Variants in TM7SF3 observed in about 807,000 individuals in gnomAD.
TM7SF3 encodes seven span transmembrane protein.
In TM7SF3, 60 loss-of-function variants were observed where a neutral mutation model predicts 65.5. The observed-to-expected ratio is 0.92, with a 90% CI of 0.74 to 1.14. The LOEUF (loss-of-function observed/expected upper bound fraction) is 1.14. TM7SF3 is among the 50% of genes most tolerant of loss of function. TM7SF3 has a pLI of 0.00. For synonymous variants in TM7SF3, 264 were observed against 259.6 expected (o/e 1.02, Z -0.16); for missense variants, 623 against 684.8 (o/e 0.91, Z 1.01).
At chr12:26,978,166 T>C in intron 9 of TM7SF3, 1 of 356,682 alleles carries the variant, frequency 2.8e-6, no homozygotes, top group Non-Finnish European at 5.5e-6. Context: ...CCTTGAGCTA[T>C]GAGATAGTTC....
At position 26,979,825 on chromosome 12, in the gene TM7SF3, A is replaced by T. The variant is rs563698497; in HGVS notation, c.1148T>A (p.Leu383Gln). Residue 383 changes from leucine (L) to glutamine (Q), a missense_variant, in exon 9 of 12, where the codon CTG becomes CAG. Leu to Gln is a moderately radical substitution (Grantham distance 113, BLOSUM62 -2). Transcript: ENST00000343028. Reference sequence around the variant, plus strand: ...AGTCACTGACGAGATGAGGAACCCCAGCACTAGTCCAACACAGAGCATGCA... The same window carrying T: ...AGTCACTGACGAGATGAGGAACCCCTGCACTAGTCCAACACAGAGCATGCA... ...SICMLCVGLV[L>Q]GFLISSVTFF... 1 of 1,614,174 alleles carries T rather than the reference A, an allele frequency of 6.2e-7. No homozygotes were observed. Among genetic ancestry groups the T allele is most frequent in the East Asian group, 2.2e-5 (1 of 44,890 alleles).
chr12:27,014,170 G>A lies in TM7SF3; in HGVS notation c.-2C>T, dbSNP rs202170745. 28 of 1,555,986 alleles carry A rather than the reference G, an allele frequency of 1.8e-5. No individual in the cohort carries two copies. Among genetic ancestry groups the A allele is most frequent in the Non-Finnish European group, 2.2e-5 (25 of 1,149,606 alleles). ...GACCAGCAGCTGCAGGAACCCCATT[G>A]CTGCCTGGGCCGGGCTGGGCCCACG... On this transcript the variant is annotated 5_prime_UTR_variant, in exon 1 of 12. Transcript: ENST00000343028.
At chr12:27,011,919 G>T (rs1356219160) in intron 1 of TM7SF3, among the ~76,000 whole-genome samples, 1 of 152,042 alleles carries the variant, frequency 6.6e-6, no homozygotes, top group Non-Finnish European at 1.5e-5. Context: ...AAAATTTCTA[G>T]GTATTAAATA....
intron 1 of TM7SF3, among the ~76,000 whole-genome samples, chr12:27,009,455 TTA>T (rs1941164870): frequency 6.6e-6 from 1 of 151,912 alleles, no homozygotes; most frequent in South Asian, 2.1e-4. Context: ...TTGAGATGTA[TTA>T]TGTTATTTTC....
chr12:26,977,726 C>T (rs1035888165), intron 9 of TM7SF3, among the ~76,000 whole-genome samples: 2 of 151,808 alleles, frequency 1.3e-5, no homozygotes, highest in African/African-American at 4.8e-5. Flanking sequence ...TGCACTCTAG[C>T]CTGGGAGACA....
chr12:26,975,596 G>A lies in TM7SF3; in HGVS notation c.1350C>T (p.Tyr450=). The change falls in exon 11 of 12, where the codon TAC becomes TAT. Residue 450 remains tyrosine (Y), a synonymous_variant. Coordinates refer to ENST00000343028, the MANE Select transcript of TM7SF3 (RefSeq NM_016551.3). Reference sequence around the variant, plus strand: ...TGATGTAGGAAAGGCTTGTGGACCAGTAACTGTCAATGGCTAAAACCACCG... The same window carrying A: ...TGATGTAGGAAAGGCTTGTGGACCAATAACTGTCAATGGCTAAAACCACCG... ...SYSVVLAIDS[Y]WSTSLSYITL... The A allele has an allele frequency of 6.2e-7, 1 of 1,614,142 alleles. No homozygotes were observed. The highest frequency in any genetic ancestry group is 8.5e-7 in the Non-Finnish European group (1 of 1,179,986).
chr12:26,996,742 C>T lies in TM7SF3; in HGVS notation c.518G>A (p.Arg173Lys). 1 of 1,609,276 alleles carries T rather than the reference C, an allele frequency of 6.2e-7. No homozygotes were observed. Among genetic ancestry groups the T allele is most frequent in the African/African-American group, 1.3e-5 (1 of 74,698 alleles). Reference sequence around the variant, plus strand: ...TCTCAGACATGGGAGACAGACGTACCTCGCATAGCCTAGGTTTGCTGGGGC... The same window carrying T: ...TCTCAGACATGGGAGACAGACGTACTTCGCATAGCCTAGGTTTGCTGGGGC... ...KFAPANLGYARGVDPPPCDAG... is the reference protein window; with the variant it reads ...KFAPANLGYAKGVDPPPCDAG... Residue 173 changes from arginine (R) to lysine (K), a missense_variant and splice_region_variant, in exon 4 of 12, where the codon AGA becomes AAA. Coordinates refer to ENST00000343028, the MANE Select transcript of TM7SF3 (RefSeq NM_016551.3).
At chr12:26,974,443 T>C (rs1939486401) in intron 11 of TM7SF3, among the ~76,000 whole-genome samples, 2 of 152,204 alleles carry the variant, frequency 1.3e-5, no homozygotes, top group African/African-American at 4.8e-5. Flanking sequence ...ATTACAGGCA[T>C]TTGAAAGTCC....
rs1940590134 is a variant in TM7SF3 at position 26,996,203 on chromosome 12, A to C, written c.518+539T>G. Among the ~76,000 whole-genome samples, 3 of 152,174 alleles carry C rather than the reference A, an allele frequency of 2.0e-5. No individual in the cohort carries two copies. The South Asian group carries it at 6.2e-4, about 31-fold the overall frequency. On this transcript the variant is annotated intron_variant, in intron 4 of 11. Transcript: ENST00000343028. ...ATAGCAGATTTGTCATTTGTTAGCA[A>C]GTAGGGTAACCTCCATAACCCCTAG...
chr12:26,977,789 T>C (rs1939634626), intron 9 of TM7SF3, among the ~76,000 whole-genome samples: 1 of 150,240 alleles, frequency 6.7e-6, no homozygotes, highest in East Asian at 2.0e-4. Flanking sequence ...TGTGTGTGTG[T>C]GTATGTGTGT....
chr12:26,986,024 T>TTCACTG (rs1940080208), intron 6 of TM7SF3, among the ~76,000 whole-genome samples: 2 of 151,216 alleles, frequency 1.3e-5, no homozygotes, highest in South Asian at 4.2e-4. Context: ...GAGACGGGGT[T>TTCACTG]TCACTGTGTT....
At chr12:26,987,119 T>C (rs1006913700) in intron 6 of TM7SF3, among the ~76,000 whole-genome samples, 34 of 152,236 alleles carry the variant, frequency 2.2e-4, no homozygotes, top group Admixed American at 3.9e-4. Context: ...GCCTCCCCTT[T>C]ATAGATAACA....
chr12:26,975,432 T>A, intron 11 of TM7SF3, 64 bp downstream of exon 11: 4 of 1,562,368 alleles, frequency 2.6e-6, no homozygotes. Flanking sequence ...GTGCTCTGGT[T>A]AGCATAGGTG....
rs1163662737 is a variant in TM7SF3 at position 26,972,694 on chromosome 12, C to T, written c.*1271G>A. 1 of 152,138 alleles carries T rather than the reference C, an allele frequency of 6.6e-6. No homozygotes were observed. Among genetic ancestry groups the T allele is most frequent in the Non-Finnish European group, 1.5e-5 (1 of 68,054 alleles). 9.4% of individuals were successfully genotyped at this position (152,138 alleles called of 1,614,324 possible). On this transcript the variant is annotated 3_prime_UTR_variant, in exon 12 of 12. Transcript: ENST00000343028. ...CGAACTCCTGACCCCAGGTGATCCA[C>T]CCGCCTCGACCTCCCAAAATGCTGG...
chr12:27,003,200 G>A, intron 2 of TM7SF3, 36 bp downstream of exon 2: 1 of 1,500,390 alleles, frequency 6.7e-7, no homozygotes, highest in South Asian at 1.2e-5. Flanking sequence ...CCAAAATATA[G>A]AAATGATTTT....
rs1939441767 is a variant in TM7SF3 at position 26,973,455 on chromosome 12, G to A, written c.*510C>T. The A allele has an allele frequency of 6.5e-6, 1 of 153,092 alleles. No individual in the cohort carries two copies. Among genetic ancestry groups the A allele is most frequent in the Admixed American group, 6.5e-5 (1 of 15,342 alleles). The allele number at this position is 153,092 out of a possible 1,614,324, so 9.5% of individuals were successfully genotyped here. On this transcript the variant is annotated 3_prime_UTR_variant, in exon 12 of 12. Coordinates refer to ENST00000343028, the MANE Select transcript of TM7SF3 (RefSeq NM_016551.3). ...TTCCCAGTATTGGGATTACAGGTGT[G>A]AGCCACCATGTCTGGCTTGCTTCTC...
At position 27,010,589 on chromosome 12, in the gene TM7SF3, G is replaced by C. The variant is rs1434626707; in HGVS notation, c.91+3489C>G. 6.6e-5 allele frequency among the ~76,000 whole-genome samples: 10 copies of C among 152,270 alleles called. No homozygotes were observed. The East Asian group carries it at 1.5e-3, about 23-fold the overall frequency. On this transcript the variant is annotated intron_variant, in intron 1 of 11. Transcript: ENST00000343028. Reference sequence around the variant, plus strand: ...ACAGGAATTTAACTTCACCTCTAAGGCATATGGAAAAGGATTTATTAGAAG... The same window carrying C: ...ACAGGAATTTAACTTCACCTCTAAGCCATATGGAAAAGGATTTATTAGAAG...
intron 1 of TM7SF3, 46 bp from the exon 2 acceptor site, chr12:27,003,436 C>A: frequency 3.3e-6 from 5 of 1,515,964 alleles, no homozygotes; most frequent in Non-Finnish European, 4.5e-6. Context: ...ACTCTCATAT[C>A]AATTTGCAGA....
At chr12:27,006,692 C>A (rs1034257934) in intron 1 of TM7SF3, among the ~76,000 whole-genome samples, 1 of 152,224 alleles carries the variant, frequency 6.6e-6, no homozygotes, top group African/African-American at 2.4e-5. Context: ...TATAAGCATG[C>A]ATATTTCCGC....
Sources: allele counts gnomAD v4.1 joint callset (sites outside exome capture counted in the v4.1 genomes callset), GRCh38; gene constraint gnomAD v4.1.1; transcripts MANE v1.5; gene names NCBI Gene and HGNC (gene_info 2026-07-23, HGNC 2026-07-21).